ZNF548: variants seen among roughly 807,000 people sequenced by gnomAD.
ZNF548 encodes zinc finger protein 548.
In ZNF548, 10 loss-of-function variants were observed where a neutral mutation model predicts 10.2. That is an observed-to-expected ratio of 0.98 (90% CI 0.60 to 1.66). ZNF548 has a LOEUF of 1.66. Among genes scored for constraint, ZNF548 ranks in the 40% most tolerant of loss-of-function variants. The pLI is 0.00. For synonymous variants in ZNF548, 217 were observed against 223.5 expected (o/e 0.97, Z 0.26); for missense variants, 599 against 657.0 (o/e 0.91, Z 0.97).
intron 3 of ZNF548, among the ~76,000 whole-genome samples, chr19:57,397,953 C>T (rs756833135): frequency 1.4e-4 from 22 of 152,206 alleles, no homozygotes; most frequent in Non-Finnish European, 2.6e-4. Context: ...GCCCCACAGT[C>T]TGTACTTCTG....
rs1447432648 is a variant in ZNF548 at position 57,398,732 on chromosome 19, G to A, written c.481G>A (p.Ala161Thr). The A allele has an allele frequency of 1.2e-6, 2 of 1,613,880 alleles. No homozygotes were observed. The highest frequency in any genetic ancestry group is 2.7e-5 in the African/African-American group (2 of 74,966). ...TGGGAAGAACCACAGAGTTCACATG[G>A]CAGAGGAGATCTTCACATGCATGGA... ...SFGKNHRVHM[A>T]EEIFTCMEGW... The change falls in exon 4 of 4, where the codon GCA becomes ACA. Residue 161 changes from alanine to threonine, a missense_variant. Physicochemically the swap from Ala to Thr is moderately conservative, Grantham distance 58. Transcript: ENST00000336128.
intron 1 of ZNF548, chr19:57,393,973 A>G (rs1342006710): frequency 8.0e-6 from 5 of 626,564 alleles, no homozygotes; most frequent in Non-Finnish European, 1.1e-5. Context: ...GGGGGCAGCT[A>G]TTCTTGCAAT....
intron 1 of ZNF548, among the ~76,000 whole-genome samples, chr19:57,391,836 C>T (rs975107677): frequency 7.6e-5 from 11 of 145,656 alleles, no homozygotes; most frequent in African/African-American, 2.8e-4. Flanking sequence ...CTCCGTCGCC[C>T]AGGCTGGAGT....
Position 57,394,220 on chromosome 19 carries a change from A to G in ZNF548, c.48A>G (p.Thr16=), listed in dbSNP as rs930014134. The change falls in exon 2 of 4, where the codon ACA becomes ACG. Residue 16 remains threonine, a synonymous_variant. Transcript: ENST00000336128. The part of the protein sequence containing the change: ...GPLAMAEMDP[T]QGRVVFEDVA... ...TGGCGATGGCAGAAATGGACCCTAC[A>G]CAGGTGAGTAGAGTGTTTCCTACTA... is the stretch of plus-strand genomic sequence containing the variant. The G allele has an allele frequency of 2.5e-6, 4 of 1,604,052 alleles. No homozygotes were observed. The highest frequency in any genetic ancestry group is 3.4e-6 in the Non-Finnish European group (4 of 1,179,450).
chr19:57,401,067 G>A lies in ZNF548; in HGVS notation c.*1178G>A, dbSNP rs1032783201. ...TTTTTAATGGGACTATTTGCTTTTT[G>A]TTGTTGAGTTGTAGTTCTTTATACA... On this transcript the variant is annotated 3_prime_UTR_variant, in exon 4 of 4. Transcript: ENST00000336128. 2.0e-5 allele frequency: 3 copies of A among 151,976 alleles called. No individual in the cohort carries two copies. The highest frequency in any genetic ancestry group is 7.2e-5 in the African/African-American group (3 of 41,380). The allele number at this position is 151,976 out of a possible 1,614,324, so 9.4% of individuals were successfully genotyped here.
rs765235841 is a variant in ZNF548, at chr19:57,399,532, C to T, written c.1281C>T (p.His427=). 6.8e-6 allele frequency: 11 copies of T among 1,614,068 alleles called. No individual in the cohort carries two copies. The Admixed American group carries it at 1.5e-4, about 22-fold the overall frequency. The change falls in exon 4 of 4, where the codon CAC becomes CAT. Residue 427 remains histidine, a synonymous_variant. Transcript: ENST00000336128. This position sits in a 1 kb window ranked among gnomAD's most constrained non-coding sequence, Gnocchi z 4.0. ...GGCTCATTAGACACCAGAGAGTCCA[C>T]ACGGGAGAAAGGCCTTATGAGTGCA... ...HCRLIRHQRV[H]TGERPYECSE...
Position 57,399,574 on chromosome 19 carries a change from C to T in ZNF548, c.1323C>T (p.Phe441=). ...RPYECSECGK[F]FRYNSNLIKH... is the part of the protein sequence containing the mutation. The stretch of plus-strand genomic sequence containing the variant: ...ATGAGTGCAGCGAATGCGGGAAATT[C>T]TTTCGTTACAACTCCAACCTCATTA... Residue 441 remains phenylalanine, a synonymous_variant, in exon 4 of 4, where the codon TTC becomes TTT. Transcript: ENST00000336128. The surrounding 1 kb of genome is among the most constrained non-coding windows in gnomAD (Gnocchi z 4.0). 1.2e-6 allele frequency: 2 copies of T among 1,613,564 alleles called. No homozygotes were observed. Among genetic ancestry groups the T allele is most frequent in the Non-Finnish European group, 1.7e-6 (2 of 1,179,904 alleles).
intron 1 of ZNF548, 187 bp from the exon 2 acceptor site, chr19:57,393,999 GAC>G (rs1417317972): frequency 3.0e-6 from 2 of 658,080 alleles, no homozygotes; most frequent in African/African-American, 3.7e-5. Flanking sequence ...TACAGATGGA[GAC>G]ACTGAAGCTC....
chr19:57,399,854 A>G lies in ZNF548; in HGVS notation c.1603A>G (p.Ile535Val), dbSNP rs377618513. The G allele has an allele frequency of 1.5e-5, 24 of 1,607,028 alleles. No individual in the cohort carries two copies. Among genetic ancestry groups the G allele is most frequent in the Middle Eastern group, 1.7e-4 (1 of 6,044 alleles). Residue 535 changes from isoleucine to valine, a missense_variant, in exon 4 of 4, where the codon ATC becomes GTC. Physicochemically the swap from Ile to Val is conservative, Grantham distance 29 (BLOSUM62 3). Transcript: ENST00000336128. The surrounding 1 kb of genome is among the most constrained non-coding windows in gnomAD (Gnocchi z 4.0). Reference protein sequence around the residue: ...SLAKTPTSLNIRDFTMEKVYH With the variant: ...SLAKTPTSLNVRDFTMEKVYH ...AGCTAAAACTCCAACCTCATTAAAC[A>G]TCAGAGATTTCACAATGGAGAAAGT...
Position 57,399,116 on chromosome 19 carries a change from G to A in ZNF548, c.865G>A (p.Gly289Arg), listed in dbSNP as rs1397298761. Reference protein sequence around the residue: ...RLMRHKRVHTGERPYECNTCG... With the variant: ...RLMRHKRVHTRERPYECNTCG... ...CATGAGACATAAGCGAGTTCACACT[G>A]GAGAAAGGCCTTATGAGTGCAACAC... is the stretch of plus-strand genomic sequence containing the variant. The change falls in exon 4 of 4, where the codon GGA becomes AGA. Residue 289 changes from glycine (G) to arginine (R), a missense_variant. Coordinates refer to ENST00000336128, the MANE Select transcript of ZNF548 (RefSeq NM_001172773.2). The surrounding 1 kb of genome is among the most constrained non-coding windows in gnomAD (Gnocchi z 4.0). 1.9e-6 allele frequency: 3 copies of A among 1,614,088 alleles called. No homozygotes were observed. Among genetic ancestry groups the A allele is most frequent in the Non-Finnish European group, 2.5e-6 (3 of 1,180,042 alleles).
At position 57,399,152 on chromosome 19, in the gene ZNF548, TTC is replaced by T; in HGVS notation, c.903_904del (p.Phe302SerfsTer8). On this transcript the variant is annotated frameshift_variant, in exon 4 of 4. Coordinates refer to ENST00000336128, the MANE Select transcript of ZNF548 (RefSeq NM_001172773.2). LOFTEE classifies it low-confidence loss of function (END_TRUNC). The surrounding 1 kb of genome is among the most constrained non-coding windows in gnomAD (Gnocchi z 4.0). The stretch of plus-strand genomic sequence containing the variant: ...TTATGAGTGCAACACATGTGGGAAA[TTC>T]TTTCGGTACAGCTCCACATTTGTTA... ...RPYECNTCGK[F>X]FRYSSTFVRH... 1 of 1,613,772 alleles carries T rather than the reference TTC, an allele frequency of 6.2e-7. No homozygotes were observed. Among genetic ancestry groups the T allele is most frequent in the Non-Finnish European group, 8.5e-7 (1 of 1,179,884 alleles).
rs1258453664 is a variant in ZNF548, at chr19:57,402,573, C to G, written c.*2684C>G. On this transcript the variant is annotated 3_prime_UTR_variant, in exon 4 of 4. Transcript: ENST00000336128. ...CCAAGTGACATTGGGTTGTTTCTTG[C>G]TATCAGAAGAACCCAGAAAAGTATT... 6.6e-6 allele frequency: 1 copy of G among 152,178 alleles called. No individual in the cohort carries two copies. The highest frequency in any genetic ancestry group is 1.5e-5 in the Non-Finnish European group (1 of 68,046). 9.4% of individuals were successfully genotyped at this position (152,178 alleles called of 1,614,324 possible). A position where few individuals can be genotyped will look rare whatever the true frequency, so the allele number is the denominator to read the frequency against.
intron 3 of ZNF548, chr19:57,397,425 G>C: frequency 2.2e-6 from 1 of 463,686 alleles, no homozygotes; most frequent in Non-Finnish European, 3.7e-6. Context: ...TTGGCATAGA[G>C]ACCCCACCAG....
chr19:57,398,259 C>A (rs2088681330), intron 3 of ZNF548, among the ~76,000 whole-genome samples, 171 bp from the exon 4 acceptor site: 1 of 152,226 alleles, frequency 6.6e-6, no homozygotes, highest in Non-Finnish European at 1.5e-5. Flanking sequence ...CATTATGGGG[C>A]CTTGCCAGGC....
chr19:57,398,007 A>G (rs2088679325), intron 3 of ZNF548, among the ~76,000 whole-genome samples: 1 of 152,134 alleles, frequency 6.6e-6, no homozygotes, highest in Admixed American at 6.5e-5. Flanking sequence ...CTCCCTTTGA[A>G]TGCCTGCCAA....
intron 1 of ZNF548, among the ~76,000 whole-genome samples, chr19:57,391,152 C>T (rs935097954): frequency 6.6e-6 from 1 of 151,456 alleles, no homozygotes; most frequent in Non-Finnish European, 1.5e-5. Context: ...GTTTGTCATT[C>T]CACACTCTTT....
chr19:57,394,968 G>A (rs950503750), intron 2 of ZNF548, among the ~76,000 whole-genome samples: 10 of 152,078 alleles, frequency 6.6e-5, no homozygotes, highest in African/African-American at 2.4e-4. Context: ...GTGAGTGTGA[G>A]GAGTCAGTGT....
chr19:57,394,481 G>A (rs1216727460), intron 2 of ZNF548, among the ~76,000 whole-genome samples: 3 of 152,212 alleles, frequency 2.0e-5, no homozygotes, highest in African/African-American at 7.2e-5. Context: ...GACTGAGCTA[G>A]GTTTTTAGGG....
rs1028728869 is a variant in ZNF548, at chr19:57,401,672, A to G, written c.*1783A>G. The G allele has an allele frequency of 2.6e-5, 4 of 151,930 alleles. No homozygotes were observed. The highest frequency in any genetic ancestry group is 7.3e-5 in the African/African-American group (3 of 41,374). The allele number at this position is 151,930 out of a possible 1,614,324, so 9.4% of individuals were successfully genotyped here. ...TTAAAAAAAATTAGTATCAAATCCA[A>G]TGCCAAGCATTTTCCCTATGCTTTA... On this transcript the variant is annotated 3_prime_UTR_variant, in exon 4 of 4. Transcript: ENST00000336128.
Sources: gnomAD v4.1 joint callset for allele counts (sites outside exome capture counted in the v4.1 genomes callset) on GRCh38, gnomAD v4.1.1 for gene constraint, Gnocchi (gnomAD v3.1) non-coding constraint, MANE v1.5 for transcripts, NCBI Gene and HGNC (gene_info 2026-07-23, HGNC 2026-07-21) for gene names.